The following EEFSEC variants were observed in gnomAD, a reference collection of about 807,000 sequenced individuals.
EEFSEC encodes the protein eukaryotic elongation factor, selenocysteine-tRNA specific.
Under a neutral mutation model 42.1 loss-of-function variants are expected in EEFSEC, and 43 were observed. That is an observed-to-expected ratio of 1.02 (90% CI 0.80 to 1.32). The LOEUF is 1.32. Ranked by LOEUF, EEFSEC falls within the 40% of genes most tolerant of loss-of-function variation. EEFSEC has a pLI of 0.00. For missense variants in EEFSEC, 745 were observed against 803.6 expected (o/e 0.93, Z 0.88); for synonymous variants, 354 against 339.1 (o/e 1.04, Z -0.48).
chr3:128,424,784 T>A, the EEFSEC span, among the ~76,000 whole-genome samples: 1,404 of 152,228 alleles, frequency 9.2e-3, 10 homozygotes, highest in Admixed American at 0.018. Context: ...AACAAACTAC[T>A]GACGCACGCA....
At chr3:128,166,433 A>G (rs1290323739) in intron 1 of EEFSEC, among the ~76,000 whole-genome samples, 1 of 152,186 alleles carries the variant, frequency 6.6e-6, no homozygotes, top group Non-Finnish European at 1.5e-5. Flanking sequence ...AAAGACTGAA[A>G]TTTTAGTTTT....
intron 4 of EEFSEC, among the ~76,000 whole-genome samples, chr3:128,325,388 A>G (rs1236912166): frequency 5.3e-5 from 8 of 152,118 alleles, no homozygotes; most frequent in African/African-American, 1.9e-4. Flanking sequence ...GAGTTTCACC[A>G]TTTACCAGCT....
chr3:128,405,614 C>T (rs1208656952), intron 6 of EEFSEC, among the ~76,000 whole-genome samples: 1 of 152,254 alleles, frequency 6.6e-6, no homozygotes, highest in Non-Finnish European at 1.5e-5. Flanking sequence ...GCCAGCGCTC[C>T]CAGTCTGAGA....
intron 1 of EEFSEC, among the ~76,000 whole-genome samples, chr3:128,172,212 C>T (rs2065306065): frequency 6.6e-6 from 1 of 152,156 alleles, no homozygotes; most frequent in Non-Finnish European, 1.5e-5. Context: ...TGAGGTGCCT[C>T]CATAACTTTA....
intron 5 of EEFSEC, among the ~76,000 whole-genome samples, chr3:128,352,523 A>G (rs1032336164): frequency 2.0e-5 from 3 of 152,204 alleles, no homozygotes; most frequent in Admixed American, 6.5e-5. Context: ...TCTGTAGCCA[A>G]TTCCCAGCGC....
Position 128,408,422 on chromosome 3 carries a change from G to A in EEFSEC, c.*163G>A. The A allele has an allele frequency of 1.4e-6, 1 of 740,284 alleles. No individual in the cohort carries two copies. The highest frequency in any genetic ancestry group is 2.1e-6 in the Non-Finnish European group (1 of 485,352). 45.9% of individuals were successfully genotyped at this position (740,284 alleles called of 1,614,324 possible). A position where few individuals can be genotyped will look rare whatever the true frequency, so the allele number is the denominator to read the frequency against. On this transcript the variant is annotated 3_prime_UTR_variant, in exon 7 of 7. Coordinates refer to ENST00000254730, the MANE Select transcript of EEFSEC (RefSeq NM_021937.5). ...TGCTGAGCCCTGGTGAGGAGCTGAG[G>A]GGGATGGGTTGCTGGGGCCAGGAGG...
At chr3:128,367,837 G>A (rs2067608286) in intron 6 of EEFSEC, 1 of 985,276 alleles carries the variant, frequency 1.0e-6, no homozygotes, top group African/African-American at 1.7e-5. Context: ...ATTTCATCTG[G>A]AATGCCAAGC....
intron 4 of EEFSEC, among the ~76,000 whole-genome samples, chr3:128,334,129 C>A (rs2108063197): frequency 6.6e-6 from 1 of 152,334 alleles, no homozygotes; most frequent in South Asian, 2.1e-4. Flanking sequence ...CCAGGTGAGA[C>A]AGCCTAGACT....
At chr3:128,165,327 T>C (rs1348997449) in intron 1 of EEFSEC, among the ~76,000 whole-genome samples, 1 of 152,246 alleles carries the variant, frequency 6.6e-6, no homozygotes. Flanking sequence ...TAGAAAATTG[T>C]GGCTCCTGAG....
intron 4 of EEFSEC, among the ~76,000 whole-genome samples, chr3:128,282,619 T>C (rs1275671317): frequency 6.6e-6 from 1 of 152,030 alleles, no homozygotes; most frequent in African/African-American, 2.4e-5. Flanking sequence ...GTACACAGCT[T>C]AGGAAGGGGG....
Position 128,297,362 on chromosome 3 carries a change from A to G in EEFSEC, c.786+32581A>G, listed in dbSNP as rs1305682696. Among the ~76,000 whole-genome samples, 3 of 152,072 alleles carry G rather than the reference A, an allele frequency of 2.0e-5. No homozygotes were observed. The East Asian group carries it at 5.8e-4, about 29-fold the overall frequency. ...TGGCTCTACCAGTGCCCCTTTCTTT[A>G]TTTGTGGATTGAGCCCCTGAACCTC... is the stretch of plus-strand genomic sequence containing the variant. On this transcript the variant is annotated intron_variant, in intron 4 of 6. Transcript: ENST00000254730.
the EEFSEC span, among the ~76,000 whole-genome samples, chr3:128,414,417 G>A: frequency 6.6e-6 from 1 of 152,228 alleles, no homozygotes; most frequent in Non-Finnish European, 1.5e-5. Context: ...TTGAGCTGGG[G>A]GTAGAGAAAG....
intron 4 of EEFSEC, among the ~76,000 whole-genome samples, chr3:128,338,447 A>C (rs1212284958): frequency 6.6e-6 from 1 of 152,070 alleles, no homozygotes; most frequent in Non-Finnish European, 1.5e-5. Flanking sequence ...CTGACCTGTA[A>C]AGTAGTGGTA....
chr3:128,164,420 C>T (rs532832097), intron 1 of EEFSEC, among the ~76,000 whole-genome samples: 6 of 152,128 alleles, frequency 3.9e-5, no homozygotes, highest in Non-Finnish European at 8.8e-5. Context: ...AGGAGACACA[C>T]GGCTGGGCCT....
At chr3:128,218,616 C>T (rs1302948783) in intron 1 of EEFSEC, among the ~76,000 whole-genome samples, 3 of 152,100 alleles carry the variant, frequency 2.0e-5, no homozygotes, top group East Asian at 1.9e-4. Flanking sequence ...GGAGTGATTC[C>T]GGACTGGCCG....
At chr3:128,181,513 C>G (rs1032927334) in intron 1 of EEFSEC, among the ~76,000 whole-genome samples, 11 of 152,192 alleles carry the variant, frequency 7.2e-5, no homozygotes, top group Admixed American at 4.6e-4. Context: ...ACAACAAAAA[C>G]AAAAGAGAAG....
At chr3:128,249,151 C>A (rs996972699) in intron 2 of EEFSEC, among the ~76,000 whole-genome samples, 1 of 152,222 alleles carries the variant, frequency 6.6e-6, no homozygotes, top group Admixed American at 6.5e-5. Flanking sequence ...AAGAAACTTT[C>A]TGTCTATAAA....
chr3:128,272,511 C>G (rs2066424854), intron 4 of EEFSEC, among the ~76,000 whole-genome samples: 2 of 152,288 alleles, frequency 1.3e-5, no homozygotes, highest in East Asian at 3.9e-4. Context: ...GAGAGTTGCC[C>G]AGAAGCAGAG....
chr3:128,404,858 A>G (rs1238830668), intron 6 of EEFSEC, among the ~76,000 whole-genome samples: 1 of 152,124 alleles, frequency 6.6e-6, no homozygotes, highest in Admixed American at 6.5e-5. Flanking sequence ...AGCCCCGTTC[A>G]TATCAGCTGC....
Sources: gnomAD v4.1 joint callset for allele counts (sites outside exome capture counted in the v4.1 genomes callset) on GRCh38, gnomAD v4.1.1 for gene constraint, MANE v1.5 for transcripts, NCBI Gene and HGNC (gene_info 2026-07-23, HGNC 2026-07-21) for gene names.